Variants in NINJ2 observed in about 807,000 individuals in gnomAD.
The protein encoded by NINJ2 is ninjurin-2.
NINJ2 carries 12 observed loss-of-function variants against 11.7 expected under a neutral mutation model. The ratio of observed to expected loss-of-function variants is 1.02; its 90% confidence interval spans 0.66 to 1.66. The LOEUF is 1.66. Among genes scored for constraint, NINJ2 ranks in the 40% most tolerant of loss-of-function variants. The pLI is 0.00. For missense variants in NINJ2, 187 were observed against 181.8 expected (o/e 1.03, Z -0.16); for synonymous variants, 93 against 76.8 (o/e 1.21, Z -1.10).
intron 1 of NINJ2, among the ~76,000 whole-genome samples, chr12:626,272 C>T (rs1948209224): frequency 6.6e-6 from 1 of 152,206 alleles, no homozygotes; most frequent in Admixed American, 6.5e-5. Flanking sequence ...ATAAGAAGCC[C>T]TCCTAATATC....
At chr12:572,954 T>C in intron 1 of NINJ2, among the ~76,000 whole-genome samples, 1 of 149,752 alleles carries the variant, frequency 6.7e-6, no homozygotes, top group Non-Finnish European at 1.5e-5. Flanking sequence ...ACTCCAGGGT[T>C]CAAGCAATTC....
chr12:637,193 A>T (rs1180175825), intron 1 of NINJ2, among the ~76,000 whole-genome samples: 1 of 151,588 alleles, frequency 6.6e-6, no homozygotes, highest in Non-Finnish European at 1.5e-5. Flanking sequence ...TACTAAAAAT[A>T]CAAAAATTAG....
At chr12:631,756 C>A (rs768347066) in intron 1 of NINJ2, among the ~76,000 whole-genome samples, 7 of 152,162 alleles carry the variant, frequency 4.6e-5, no homozygotes, top group Non-Finnish European at 1.0e-4. Flanking sequence ...TCACAATCCC[C>A]TTTCTTGCTC....
intron 1 of NINJ2, among the ~76,000 whole-genome samples, chr12:619,522 G>A (rs989165622): frequency 6.6e-6 from 1 of 152,162 alleles, no homozygotes; most frequent in Non-Finnish European, 1.5e-5. Context: ...TTTGTACACA[G>A]GCTGTGAGCT....
At chr12:649,449 C>T (rs1006065970) in intron 1 of NINJ2, among the ~76,000 whole-genome samples, 1 of 150,628 alleles carries the variant, frequency 6.6e-6, no homozygotes, top group African/African-American at 2.4e-5. Flanking sequence ...AAAGGAGATG[C>T]CTACTTATAC....
chr12:654,887 A>G (rs1320585571), intron 1 of NINJ2, among the ~76,000 whole-genome samples: 1 of 148,830 alleles, frequency 6.7e-6, no homozygotes, highest in African/African-American at 2.4e-5. Context: ...TCCAAACTCC[A>G]TTTCAAAAAA....
At chr12:624,971 T>C (rs1948196042) in intron 1 of NINJ2, among the ~76,000 whole-genome samples, 1 of 151,862 alleles carries the variant, frequency 6.6e-6, no homozygotes, top group Non-Finnish European at 1.5e-5. Context: ...CATCCTGGCA[T>C]GGTCGTGAGC....
chr12:622,460 C>G (rs1948165326), intron 1 of NINJ2, among the ~76,000 whole-genome samples: 1 of 148,852 alleles, frequency 6.7e-6, no homozygotes, highest in African/African-American at 2.5e-5. Flanking sequence ...AAGGGGCTAC[C>G]TAAAGAGAGG....
At chr12:637,857 A>G (rs564322629) in intron 1 of NINJ2, among the ~76,000 whole-genome samples, 1 of 152,262 alleles carries the variant, frequency 6.6e-6, no homozygotes, top group East Asian at 1.9e-4. Flanking sequence ...ACCTAGGCAC[A>G]GAATGTCCCC....
chr12:648,997 T>TCTGC (rs1433668494), intron 1 of NINJ2, among the ~76,000 whole-genome samples: 18 of 22,924 alleles, frequency 7.9e-4, no homozygotes, highest in Middle Eastern at 0.017. Flanking sequence ...TATCTATCTG[T>TCTGC]CTATCTATCT....
At chr12:634,262 G>GTTTTTTTTTTTTTT in intron 1 of NINJ2, among the ~76,000 whole-genome samples, 2 of 75,642 alleles carry the variant, frequency 2.6e-5, no homozygotes, top group East Asian at 5.6e-4. Context: ...ATTAGTTGCA[G>GTTTTTTTTTTTTTT]TTCTTTTTTT....
In NINJ2 at chr12:571,363, G is replaced by A. The variant is rs190297780; in HGVS notation, c.34-5185C>T. Among the ~76,000 whole-genome samples, 986 of 152,332 alleles carry A rather than the reference G, an allele frequency of 6.5e-3. 7 individuals are homozygous for A. Among genetic ancestry groups the A allele is most frequent in the Non-Finnish European group, 0.011 (759 of 68,020 alleles). On this transcript the variant is annotated intron_variant, in intron 1 of 3. Coordinates refer to ENST00000305108, the MANE Select transcript of NINJ2 (RefSeq NM_016533.6). ...TGGCATGGGATGAGGCAGGGGGGTGGGGGACACCAGAGACCCAGCGGTTTG... is the reference window on the plus strand; with the variant it reads ...TGGCATGGGATGAGGCAGGGGGGTGAGGGACACCAGAGACCCAGCGGTTTG...
chr12:632,344 T>A (rs527521797), intron 1 of NINJ2: 2 of 152,312 alleles, frequency 1.3e-5, no homozygotes, highest in East Asian at 3.9e-4. Context: ...CGGTAGCCGT[T>A]TGATGAAATT....
intron 1 of NINJ2, among the ~76,000 whole-genome samples, chr12:578,779 C>G (rs565572157): frequency 3.3e-5 from 5 of 152,278 alleles, no homozygotes; most frequent in Non-Finnish European, 7.4e-5. Context: ...TAGATCATTC[C>G]AGAGAGGAGT....
In NINJ2 at chr12:609,263, C is replaced by G. The variant is rs181443819; in HGVS notation, c.34-43085G>C. Among the ~76,000 whole-genome samples the G allele has an allele frequency of 2.2e-4, 23 of 102,808 alleles. 1 individual carries two copies. The East Asian group carries it at 4.6e-3, about 20-fold the overall frequency. The allele number at this position is 102,808 out of a possible 152,430, so 67.4% of individuals were successfully genotyped here. A position where few individuals can be genotyped will look rare whatever the true frequency, so the allele number is the denominator to read the frequency against. ...GGCGCCACGCTAGGGGCTGTACGCA[C>G]GCACGGCGCCACGCGCTAGGTGCTG... On this transcript the variant is annotated intron_variant, in intron 1 of 3. Transcript: ENST00000305108.
intron 1 of NINJ2, among the ~76,000 whole-genome samples, chr12:654,517 G>A (rs1177729705): frequency 2.4e-5 from 3 of 126,992 alleles, no homozygotes; most frequent in Admixed American, 8.3e-5. Context: ...GTGAAACTCC[G>A]TCTCAAAAAA....
chr12:568,610 G>C (rs1267145035), intron 1 of NINJ2, among the ~76,000 whole-genome samples: 2 of 152,192 alleles, frequency 1.3e-5, no homozygotes, highest in Non-Finnish European at 1.5e-5. Flanking sequence ...AAACATATAG[G>C]AGTGGCTCTT....
chr12:634,265 C>CTTT lies in NINJ2; in HGVS notation c.33+29060_33+29062dup, dbSNP rs67797144. Among the ~76,000 whole-genome samples the CTTT allele has an allele frequency of 2.4e-3, 140 of 59,526 alleles. 14 individuals are homozygous for CTTT. The highest frequency in any genetic ancestry group is 8.5e-3 in the East Asian group (10 of 1,174). The allele number at this position is 59,526 out of a possible 152,430, so 39.1% of individuals were successfully genotyped here. ...AAATAAATGTTGATTAGTTGCAGTT[C>CTTT]TTTTTTTTTTTTTTTTTTTTTTTTT... On this transcript the variant is annotated intron_variant, in intron 1 of 3. Coordinates refer to ENST00000305108, the MANE Select transcript of NINJ2 (RefSeq NM_016533.6).
At chr12:649,952 C>T (rs1937761522) in intron 1 of NINJ2, among the ~76,000 whole-genome samples, 1 of 152,104 alleles carries the variant, frequency 6.6e-6, no homozygotes, top group Non-Finnish European at 1.5e-5. Context: ...ATATATCAAA[C>T]TTTAACCATT....
Sources: gnomAD v4.1 joint callset for allele counts (sites outside exome capture counted in the v4.1 genomes callset) on GRCh38, gnomAD v4.1.1 for gene constraint, MANE v1.5 for transcripts, NCBI Gene and HGNC (gene_info 2026-07-23, HGNC 2026-07-21) for gene names.